Variants in PUM2 observed in about 807,000 individuals in gnomAD.
The protein encoded by PUM2 is pumilio homolog 2.
PUM2 carries 57 observed loss-of-function variants against 124.5 expected under a neutral mutation model. That is an observed-to-expected ratio of 0.46 (90% CI 0.37 to 0.57). The LOEUF (loss-of-function observed/expected upper bound fraction) is 0.57. Among genes scored for constraint, PUM2 ranks in the 20% least tolerant of loss-of-function variants. PUM2 has a pLI of 0.00. For synonymous variants in PUM2, 460 were observed against 446.1 expected, an observed-to-expected ratio of 1.03 and a Z score of -0.39; for missense variants, 1,065 against 1,290.6, an observed-to-expected ratio of 0.83 and a Z score of 2.68.
chr2:20,294,020 T>C (rs1473568029), intron 9 of PUM2, among the ~76,000 whole-genome samples: 1 of 152,142 alleles, frequency 6.6e-6, no homozygotes, highest in Non-Finnish European at 1.5e-5. Context: ...AGAAACACAT[T>C]AACATTTAAA....
chr2:20,255,279 G>A lies in PUM2; in HGVS notation c.2685C>T (p.Cys895=), dbSNP rs778727239. The change falls in exon 18 of 21, where the codon TGC becomes TGT. Residue 895 remains cysteine (C), a synonymous_variant. Transcript: ENST00000361078. ...AGATAGGTAAGGTCTGTTCTGCAGT[G>A]CAATGCTCTAGGATGCGCTGAATTA... ...CRVIQRILEH[C]TAEQTLPILE... 3 of 1,608,918 alleles carry A rather than the reference G, an allele frequency of 1.9e-6. No homozygotes were observed. The highest frequency in any genetic ancestry group is 1.3e-5 in the African/African-American group (1 of 74,930).
upstream of PUM2, among the ~76,000 whole-genome samples, chr2:20,351,109 T>C (rs1475879925): frequency 6.6e-6 from 1 of 152,184 alleles, no homozygotes; most frequent in Non-Finnish European, 1.5e-5. Flanking sequence ...GCAGGCGTAC[T>C]GTTGCCAAAC....
At chr2:20,330,167 T>C (rs1684602750) in intron 1 of PUM2, among the ~76,000 whole-genome samples, 1 of 152,116 alleles carries the variant, frequency 6.6e-6, no homozygotes, top group East Asian at 1.9e-4. Flanking sequence ...GCCCAGAACA[T>C]ACAGGACAAG....
intron 5 of PUM2, among the ~76,000 whole-genome samples, chr2:20,309,801 G>T (rs1037578044): frequency 6.6e-6 from 1 of 152,082 alleles, no homozygotes; most frequent in Non-Finnish European, 1.5e-5. Flanking sequence ...AACATATAGA[G>T]TAGTTTACAA....
chr2:20,333,964 G>A (rs895937647), intron 1 of PUM2, among the ~76,000 whole-genome samples: 5 of 152,062 alleles, frequency 3.3e-5, no homozygotes, highest in African/African-American at 7.2e-5. Flanking sequence ...CTACAGCCAC[G>A]TAAGAGGTGC....
At chr2:20,317,168 GC>G (rs1389301154) in intron 3 of PUM2, among the ~76,000 whole-genome samples, 1 of 151,792 alleles carries the variant, frequency 6.6e-6, no homozygotes, top group Non-Finnish European at 1.5e-5. Context: ...CTGCACACCA[GC>G]CTAGGCAACA....
At chr2:20,314,394 A>G (rs558899552) in intron 3 of PUM2, among the ~76,000 whole-genome samples, 2 of 152,346 alleles carry the variant, frequency 1.3e-5, no homozygotes, top group South Asian at 2.1e-4. Flanking sequence ...TTCATTTGAT[A>G]TATTTTTTCT....
intron 1 of PUM2, among the ~76,000 whole-genome samples, chr2:20,346,239 A>G (rs550486941): frequency 6.6e-6 from 1 of 152,368 alleles, no homozygotes; most frequent in Non-Finnish European, 1.5e-5. Context: ...AAGTTTTATC[A>G]TAGATAACTG....
Position 20,350,832 on chromosome 2 carries a change from C to G in PUM2, c.-254G>C. ...CACAACAACATGGCTGCCACCGCCG[C>G]CTGCCCTCCCCTCCCCCCCGCCCAC... On this transcript the variant is annotated 5_prime_UTR_variant, in exon 1 of 21. Coordinates refer to ENST00000361078, the MANE Select transcript of PUM2 (RefSeq NM_015317.5). The G allele has an allele frequency of 3.1e-6, 3 of 976,054 alleles. No individual in the cohort carries two copies. The South Asian group carries it at 1.4e-4, about 46-fold the overall frequency. The allele number at this position is 976,054 out of a possible 1,614,324, so 60.5% of individuals were successfully genotyped here. A position where few individuals can be genotyped will look rare whatever the true frequency, so the allele number is the denominator to read the frequency against.
At chr2:20,321,333 T>C (rs558975370) in intron 2 of PUM2, among the ~76,000 whole-genome samples, 8 of 152,192 alleles carry the variant, frequency 5.3e-5, no homozygotes, top group African/African-American at 1.9e-4. Context: ...TTACCTGGGC[T>C]GGGAAGCGGG....
In PUM2 at chr2:20,258,223, T is replaced by C. The variant is rs769218020; in HGVS notation, c.2484+20A>G. The C allele has an allele frequency of 8.3e-6, 13 of 1,561,544 alleles. No homozygotes were observed. In the South Asian group the frequency reaches 1.6e-4, roughly 19 times the overall value. ...AATTGAATAAAATAATACAAAAATT[T>C]TGTCTTAACTTACAATTACCTGCTG... is the stretch of plus-strand genomic sequence containing the variant. On this transcript the variant is annotated intron_variant, in intron 16 of 20. Coordinates refer to ENST00000361078, the MANE Select transcript of PUM2 (RefSeq NM_015317.5).
At position 20,248,843 on chromosome 2, in the gene PUM2, C is replaced by T. The variant is rs1195949400; in HGVS notation, c.*2742G>A. ...TCATATGAACCAATAAGAGCCAGGA[C>T]TTAGACAAACTGGTCCAGAAACAAT... On this transcript the variant is annotated 3_prime_UTR_variant, in exon 21 of 21. Transcript: ENST00000361078. 1 of 152,596 alleles carries T rather than the reference C, an allele frequency of 6.6e-6. No homozygotes were observed. Among genetic ancestry groups the T allele is most frequent in the African/African-American group, 2.4e-5 (1 of 41,434 alleles). 9.5% of individuals were successfully genotyped at this position (152,596 alleles called of 1,614,324 possible).
chr2:20,290,448 TGTCGTTGAGTCTCAATTTACCATTCC>T (rs1673759680), intron 10 of PUM2, among the ~76,000 whole-genome samples, 178 bp downstream of exon 10: 1 of 6,578 alleles, frequency 1.5e-4, no homozygotes. Flanking sequence ...TTACCATTCC[TGTCGTTGAGTCTCAATTTACCATTCC>T]TGTCGTTGAG....
chr2:20,258,215 C>T (rs780514461), intron 16 of PUM2, 28 bp downstream of exon 16: 2 of 1,537,258 alleles, frequency 1.3e-6, no homozygotes, highest in South Asian at 2.5e-5. Flanking sequence ...TAAAATAATA[C>T]AAAAATTTTG....
chr2:20,270,545 CAAAT>C (rs149953725), intron 13 of PUM2, among the ~76,000 whole-genome samples: 10 of 129,516 alleles, frequency 7.7e-5, no homozygotes, highest in South Asian at 2.6e-4. Context: ...AGGTAAAAAA[CAAAT>C]AAACACACAC....
intron 12 of PUM2, among the ~76,000 whole-genome samples, chr2:20,280,097 A>G (rs920245668): frequency 6.6e-6 from 1 of 152,180 alleles, no homozygotes; most frequent in Non-Finnish European, 1.5e-5. Context: ...AATTAAGGAG[A>G]GTACATCATG....
intron 9 of PUM2, among the ~76,000 whole-genome samples, chr2:20,294,081 GA>G (rs766788573): frequency 4.6e-5 from 7 of 152,036 alleles, no homozygotes; most frequent in Non-Finnish European, 1.0e-4. Flanking sequence ...ATTTTGATAG[GA>G]ACATTATTAA....
chr2:20,263,334 A>G lies in PUM2; in HGVS notation c.2084T>C (p.Leu695Pro). Reference protein sequence around the residue: ...SSSQLFPPSRLRYNRSDIMPS... With the variant: ...SSSQLFPPSRPRYNRSDIMPS... ...CATAATATCAGACCTATTATACCGA[A>G]GCCGGGAAGGAGGAAAGAGCTGGCT... is the stretch of plus-strand genomic sequence containing the variant. Residue 695 changes from leucine (L) to proline (P), a missense_variant, in exon 14 of 21, where the codon CTT becomes CCT. This residue lies in a region of PUM2 where 968 missense variants were observed against 1,159.8 expected (regional missense o/e 0.83). Transcript: ENST00000361078. The G allele has an allele frequency of 1.2e-6, 2 of 1,614,226 alleles. No homozygotes were observed. The highest frequency in any genetic ancestry group is 2.2e-5 in the South Asian group (2 of 91,090).
At chr2:20,313,875 A>ACTCACT (rs1238589998) in intron 3 of PUM2, among the ~76,000 whole-genome samples, 1 of 147,754 alleles carries the variant, frequency 6.8e-6, no homozygotes, top group Non-Finnish European at 1.5e-5. Flanking sequence ...AGGGGCAGTG[A>ACTCACT]CTCACTCCTG....
Sources: gnomAD v4.1 joint callset for allele counts (sites outside exome capture counted in the v4.1 genomes callset) on GRCh38, gnomAD v4.1.1 for gene constraint, gnomAD v4.1.1 regional missense constraint, MANE v1.5 for transcripts, NCBI Gene and HGNC (gene_info 2026-07-23, HGNC 2026-07-21) for gene names.